The following ENPEP variants were observed in gnomAD, a reference collection of about 807,000 sequenced individuals.
ENPEP encodes glutamyl aminopeptidase, also known as AP-A.
A neutral mutation model predicts 114.5 loss-of-function variants in ENPEP; 103 were observed. The observed-to-expected ratio is 0.90, with a 90% CI of 0.77 to 1.06. The LOEUF is 1.06. ENPEP is among the 50% of genes least tolerant of loss of function. ENPEP has a pLI of 0.00. For synonymous variants in ENPEP, 420 were observed against 422.0 expected, an observed-to-expected ratio of 1.00 and a Z score of 0.06; for missense variants, 1,196 against 1,161.3, an observed-to-expected ratio of 1.03 and a Z score of -0.43.
At chr4:110,555,186 C>G (rs1227225695) in intron 18 of ENPEP, among the ~76,000 whole-genome samples, 1 of 151,998 alleles carries the variant, frequency 6.6e-6, no homozygotes, top group Admixed American at 6.6e-5. Flanking sequence ...TGATCTAATT[C>G]TCATGAGACA....
intron 3 of ENPEP, among the ~76,000 whole-genome samples, chr4:110,492,962 G>A (rs1283343469): frequency 6.6e-6 from 1 of 152,154 alleles, no homozygotes; most frequent in Non-Finnish European, 1.5e-5. Flanking sequence ...ATTTGAGGTA[G>A]AAATACCAAG....
intron 3 of ENPEP, among the ~76,000 whole-genome samples, chr4:110,496,751 G>A (rs867623758): frequency 4.4e-4 from 67 of 152,180 alleles, no homozygotes; most frequent in African/African-American, 1.6e-3. Flanking sequence ...ATTAGACTGA[G>A]GCTTTGGATT....
intron 6 of ENPEP, among the ~76,000 whole-genome samples, chr4:110,511,950 G>C (rs1212880345): frequency 6.6e-6 from 1 of 152,002 alleles, no homozygotes; most frequent in East Asian, 1.9e-4. Flanking sequence ...TTTTAGTAGA[G>C]ATGGGGTTTT....
chr4:110,510,121 C>A (rs936782404), intron 5 of ENPEP, 124 bp from the exon 6 acceptor site: 1 of 781,460 alleles, frequency 1.3e-6, no homozygotes, highest in South Asian at 1.8e-5. Context: ...ATGTTAAGTA[C>A]AATGCCTGCC....
chr4:110,491,267 G>A, intron 3 of ENPEP, 103 bp downstream of exon 3: 1 of 1,166,196 alleles, frequency 8.6e-7, no homozygotes, highest in Non-Finnish European at 1.2e-6. Context: ...CAACATGCCT[G>A]AAAAGCCCTT....
At position 110,537,385 on chromosome 4, in the gene ENPEP, A is replaced by G. The variant is rs147431151; in HGVS notation, c.1808-5366A>G. Reference sequence around the variant, plus strand: ...TGCTCACAGCATCTTCACCAGGAGTAGATTCCATCTCAAGAAACCGCTTTC... The same window carrying G: ...TGCTCACAGCATCTTCACCAGGAGTGGATTCCATCTCAAGAAACCGCTTTC... On this transcript the variant is annotated intron_variant, in intron 11 of 19. Coordinates refer to ENST00000265162, the MANE Select transcript of ENPEP (RefSeq NM_001977.4). Among the ~76,000 whole-genome samples, 518 of 152,326 alleles carry G rather than the reference A, an allele frequency of 3.4e-3. 5 individuals carry two copies. Among genetic ancestry groups the G allele is most frequent in the African/African-American group, 0.011 (446 of 41,580 alleles).
At chr4:110,482,330 T>C (rs931582430) in intron 1 of ENPEP, among the ~76,000 whole-genome samples, 27 of 152,200 alleles carry the variant, frequency 1.8e-4, no homozygotes, top group Admixed American at 2.6e-4. Context: ...GGGTCTAGGA[T>C]ACCCCAGCTA....
chr4:110,522,209 C>T (rs1290213867), intron 10 of ENPEP, among the ~76,000 whole-genome samples: 1 of 150,298 alleles, frequency 6.7e-6, no homozygotes, highest in Non-Finnish European at 1.5e-5. Context: ...TTGAGACAAA[C>T]TCTCACTCTG....
intron 3 of ENPEP, among the ~76,000 whole-genome samples, chr4:110,504,983 A>G (rs150640641): frequency 1.2e-3 from 180 of 152,358 alleles, no homozygotes; most frequent in African/African-American, 4.1e-3. Flanking sequence ...GGAGCGGGTC[A>G]AGAGGACTGC....
chr4:110,546,954 T>G (rs1727093261), intron 13 of ENPEP, among the ~76,000 whole-genome samples: 1 of 151,980 alleles, frequency 6.6e-6, no homozygotes, highest in Admixed American at 6.6e-5. Flanking sequence ...TCAGTTTTAC[T>G]CCCCCAGGTA....
chr4:110,526,775 G>T (rs375770712), intron 10 of ENPEP, among the ~76,000 whole-genome samples: 1 of 152,150 alleles, frequency 6.6e-6, no homozygotes, highest in African/African-American at 2.4e-5. Flanking sequence ...GGACAATATT[G>T]CAATGAGCAG....
chr4:110,512,013 C>G (rs149820832), intron 6 of ENPEP, among the ~76,000 whole-genome samples: 174 of 152,260 alleles, frequency 1.1e-3, no homozygotes, highest in African/African-American at 4.0e-3. Flanking sequence ...ATCTGCCTGC[C>G]TTGGCCTCCC....
chr4:110,552,047 A>G (rs957576606), intron 17 of ENPEP, among the ~76,000 whole-genome samples: 4 of 152,114 alleles, frequency 2.6e-5, no homozygotes, highest in Non-Finnish European at 5.9e-5. Context: ...TGCTGTATGT[A>G]TGGTATTTTT....
At position 110,476,228 on chromosome 4, in the gene ENPEP, T is replaced by G; in HGVS notation, c.-187T>G. The G allele has an allele frequency of 1.5e-6, 1 of 653,002 alleles. No individual in the cohort carries two copies. Among genetic ancestry groups the G allele is most frequent in the Non-Finnish European group, 2.5e-6 (1 of 406,956 alleles). 40.5% of individuals were successfully genotyped at this position (653,002 alleles called of 1,614,324 possible). On this transcript the variant is annotated 5_prime_UTR_variant, in exon 1 of 20. Coordinates refer to ENST00000265162, the MANE Select transcript of ENPEP (RefSeq NM_001977.4). ...ACCCCCCTTGTTTCCGCATTCATCC[T>G]GAGTGGCTGGTGGGAACGTGAAAAG...
rs567364578 is a variant in ENPEP at position 110,538,819 on chromosome 4, C to T, written c.1808-3932C>T. On this transcript the variant is annotated intron_variant, in intron 11 of 19. Coordinates refer to ENST00000265162, the MANE Select transcript of ENPEP (RefSeq NM_001977.4). ...GAAGAATGATTGATTGGGCTAATATCGATATGGCTGTGTCTAAAAGAATAG... is the reference window on the plus strand; with the variant it reads ...GAAGAATGATTGATTGGGCTAATATTGATATGGCTGTGTCTAAAAGAATAG... Among the ~76,000 whole-genome samples the T allele has an allele frequency of 2.6e-5, 4 of 151,506 alleles. No homozygotes were observed. In the South Asian group the frequency reaches 6.3e-4, roughly 24 times the overall value.
At chr4:110,541,976 G>C (rs1481223410) in intron 11 of ENPEP, among the ~76,000 whole-genome samples, 1 of 151,980 alleles carries the variant, frequency 6.6e-6, no homozygotes, top group East Asian at 1.9e-4. Flanking sequence ...TTCAGCCTTG[G>C]GCTTCTAAAA....
At chr4:110,504,510 C>T (rs1306486970) in intron 3 of ENPEP, among the ~76,000 whole-genome samples, 1 of 152,088 alleles carries the variant, frequency 6.6e-6, no homozygotes, top group Admixed American at 6.5e-5. Flanking sequence ...GGCCACTGCA[C>T]TGCTGGCCTG....
chr4:110,530,391 T>C (rs140935438), intron 10 of ENPEP, among the ~76,000 whole-genome samples: 1 of 152,342 alleles, frequency 6.6e-6, no homozygotes, highest in East Asian at 1.9e-4. Context: ...GGGAATTGAA[T>C]GTTGACAGAT....
intron 1 of ENPEP, 105 bp downstream of exon 1, chr4:110,477,163 T>C (rs1254016629): frequency 9.2e-6 from 13 of 1,409,724 alleles, no homozygotes; most frequent in Non-Finnish European, 1.1e-5. Context: ...GTTGGTCTGA[T>C]ATTGATCGGC....
Sources: gnomAD v4.1 joint callset for allele counts (sites outside exome capture counted in the v4.1 genomes callset) on GRCh38, gnomAD v4.1.1 for gene constraint, MANE v1.5 for transcripts, NCBI Gene and HGNC (gene_info 2026-07-23, HGNC 2026-07-21) for gene names.